TACC1: variants seen among roughly 807,000 people sequenced by gnomAD.
TACC1 encodes transforming acidic coiled-coil-containing protein 1.
In TACC1, 48 loss-of-function variants were observed where a neutral mutation model predicts 84.4. That is an observed-to-expected ratio of 0.57 (90% CI 0.45 to 0.72). The LOEUF (loss-of-function observed/expected upper bound fraction) is 0.72, where lower values mean the gene tolerates loss of function less well. Ranked by LOEUF, TACC1 falls within the 30% of genes least tolerant of loss-of-function variation. The pLI, the probability that TACC1 is intolerant of heterozygous loss-of-function variation, is 0.00. For missense variants in TACC1, 920 were observed against 973.0 expected (o/e 0.95, Z 0.72); for synonymous variants, 372 against 376.3 (o/e 0.99, Z 0.13).
intron 6 of TACC1, 125 bp from the exon 7 acceptor site, chr8:38,836,037 G>C: frequency 5.3e-6 from 7 of 1,319,716 alleles, no homozygotes; most frequent in Non-Finnish European, 7.1e-6. Context: ...GCTTCCCCCC[G>C]CTGACTTTTC....
At chr8:38,759,293 AT>A (rs1233790236) in intron 3 of TACC1, among the ~76,000 whole-genome samples, 1 of 152,220 alleles carries the variant, frequency 6.6e-6, no homozygotes, top group African/African-American at 2.4e-5. Flanking sequence ...ATCAGTATAT[AT>A]GAATAATAAG....
chr8:38,744,414 C>G (rs969174264), intron 2 of TACC1, among the ~76,000 whole-genome samples: 1 of 151,912 alleles, frequency 6.6e-6, no homozygotes, highest in Admixed American at 6.6e-5. Context: ...CCGCACCGAG[C>G]CTGACACTTC....
intron 5 of TACC1, among the ~76,000 whole-genome samples, chr8:38,829,840 A>AGGCTGCGGTCCTG (rs1398037610): frequency 6.6e-6 from 1 of 152,208 alleles, no homozygotes; most frequent in Non-Finnish European, 1.5e-5. Context: ...AAGCAAGTGG[A>AGGCTGCGGTCCTG]GGCTGCGGTC....
chr8:38,772,698 T>G (rs573811821), intron 3 of TACC1, among the ~76,000 whole-genome samples: 8 of 152,124 alleles, frequency 5.3e-5, no homozygotes, highest in Non-Finnish European at 1.2e-4. Flanking sequence ...TAGCAAAAGA[T>G]AATATGTATA....
At chr8:38,752,264 G>A (rs969258476) in intron 3 of TACC1, among the ~76,000 whole-genome samples, 1 of 152,168 alleles carries the variant, frequency 6.6e-6, no homozygotes, top group Admixed American at 6.5e-5. Flanking sequence ...GAGCTCAGGA[G>A]TTCACAACCA....
At chr8:38,823,175 A>G (rs1827255702) in intron 3 of TACC1, among the ~76,000 whole-genome samples, 1 of 152,212 alleles carries the variant, frequency 6.6e-6, no homozygotes, top group Admixed American at 6.5e-5. Context: ...CAGTACCAAG[A>G]AAGTAGAGAG....
At chr8:38,744,047 C>G (rs947573974) in intron 2 of TACC1, 1 of 152,124 alleles carries the variant, frequency 6.6e-6, no homozygotes, top group Non-Finnish European at 1.5e-5. Flanking sequence ...TGAGTTATGT[C>G]AATTGATTGT....
At chr8:38,812,778 T>G (rs1429848187) in intron 2 of TACC1, among the ~76,000 whole-genome samples, 6 of 152,190 alleles carry the variant, frequency 3.9e-5, no homozygotes, top group Non-Finnish European at 8.8e-5. Context: ...CCTTCATTCT[T>G]TCAGTATTAT....
intron 2 of TACC1, among the ~76,000 whole-genome samples, chr8:38,817,931 A>C (rs920282344): frequency 2.9e-4 from 43 of 149,066 alleles, no homozygotes; most frequent in African/African-American, 9.8e-4. Context: ...AAAAAAAAAA[A>C]AAAAAAAAAA....
intron 10 of TACC1, 117 bp downstream of exon 10, chr8:38,842,564 G>C: frequency 9.0e-7 from 1 of 1,113,370 alleles, no homozygotes. Context: ...AGGAGCTCAG[G>C]GCCTACTGGC....
chr8:38,768,732 T>C (rs540214574), intron 3 of TACC1, among the ~76,000 whole-genome samples: 5 of 151,946 alleles, frequency 3.3e-5, no homozygotes, highest in Non-Finnish European at 7.4e-5. Flanking sequence ...TGTCACCATA[T>C]ATATATGTGA....
chr8:38,736,904 G>T (rs1211631769), intron 1 of TACC1, among the ~76,000 whole-genome samples: 3 of 152,080 alleles, frequency 2.0e-5, no homozygotes, highest in Admixed American at 6.6e-5. Flanking sequence ...CCATTCTGAA[G>T]CCAGCTGATT....
intron 6 of TACC1, among the ~76,000 whole-genome samples, chr8:38,834,747 A>G (rs1829896135): frequency 6.6e-6 from 1 of 152,146 alleles, no homozygotes; most frequent in East Asian, 1.9e-4. Flanking sequence ...TTCTAGAGAG[A>G]GGGTAAAACT....
At position 38,850,659 on chromosome 8, in the gene TACC1, C is replaced by G. The variant is rs143290337; in HGVS notation, c.*2636C>G. 6.6e-6 allele frequency: 1 copy of G among 151,176 alleles called. No homozygotes were observed. Among genetic ancestry groups the G allele is most frequent in the Admixed American group, 6.6e-5 (1 of 15,088 alleles). The allele number at this position is 151,176 out of a possible 1,614,324, so 9.4% of individuals were successfully genotyped here. ...TAAAAATTAGCTGGGCATGGTGGCA[C>G]GTGCCTGTGGTCCCAGCTACTTGGG... On this transcript the variant is annotated 3_prime_UTR_variant, in exon 13 of 13. Transcript: ENST00000317827.
intron 8 of TACC1, chr8:38,839,198 T>G (rs1422555038): frequency 2.7e-6 from 1 of 366,962 alleles, no homozygotes; most frequent in Non-Finnish European, 4.9e-6. Flanking sequence ...CCATAATACT[T>G]TTTAAAAATT....
At chr8:38,764,387 C>T (rs1222032376) in intron 3 of TACC1, among the ~76,000 whole-genome samples, 1 of 147,840 alleles carries the variant, frequency 6.8e-6, no homozygotes, top group African/African-American at 2.5e-5. Flanking sequence ...CCAGAGCATC[C>T]TTTTCAATGC....
At position 38,745,488 on chromosome 8, in the gene TACC1, TAAAAG is replaced by T; in HGVS notation, c.22_26del (p.Lys8LeufsTer4). 2.9e-6 allele frequency: 2 copies of T among 691,688 alleles called. No individual in the cohort carries two copies. The highest frequency in any genetic ancestry group is 3.1e-5 in the South Asian group (2 of 64,942). 42.8% of individuals were successfully genotyped at this position (691,688 alleles called of 1,614,324 possible). On this transcript the variant is annotated frameshift_variant and splice_region_variant, in exon 3 of 15. Coordinates refer to the TACC1 transcript ENST00000518415. LOFTEE classifies it high-confidence loss of function. Reference sequence around the variant, plus strand: ...TGGAGATGAATAATATATTGAAACTTAAAAGGCAAGGGTTTTAATTTTTGTTTTCT... The same window carrying T: ...TGGAGATGAATAATATATTGAAACTTGCAAGGGTTTTAATTTTTGTTTTCT...
chr8:38,788,824 A>G lies in TACC1; in HGVS notation c.277+5A>G, dbSNP rs1276528509. 1.3e-6 allele frequency: 2 copies of G among 1,591,782 alleles called. No individual in the cohort carries two copies. The highest frequency in any genetic ancestry group is 3.7e-5 in the Admixed American group (2 of 54,044). ...GACCTGGGGCCAAAAGCCAAGGTAA[A>G]GAAAAACTTGCATTTTTCCTGCCTG... is the stretch of plus-strand genomic sequence containing the variant. On this transcript the variant is annotated splice_donor_5th_base_variant and intron_variant, in intron 2 of 12. Transcript: ENST00000317827.
chr8:38,803,305 G>A (rs912946862), intron 2 of TACC1, among the ~76,000 whole-genome samples: 1 of 152,194 alleles, frequency 6.6e-6, no homozygotes, highest in Non-Finnish European at 1.5e-5. Flanking sequence ...GAACAGTGTT[G>A]AGTAGAAGTC....
Sources: gnomAD v4.1 joint callset for allele counts (sites outside exome capture counted in the v4.1 genomes callset) on GRCh38, gnomAD v4.1.1 for gene constraint, MANE v1.5 for transcripts, NCBI Gene and HGNC (gene_info 2026-07-23, HGNC 2026-07-21) for gene names.